The following FGF16 variants were observed in gnomAD, a reference collection of about 807,000 sequenced individuals.
FGF16 encodes fibroblast growth factor 16, also known as metacarpal 4-5 fusion.
FGF16 carries 2 observed loss-of-function variants against 8.5 expected under a neutral mutation model. The observed-to-expected ratio is 0.24, with a 90% confidence interval of 0.10 to 0.75. The LOEUF is 0.75. Among genes scored for constraint, FGF16 ranks in the 30% least tolerant of loss-of-function variants. FGF16 has a pLI of 0.74. For synonymous variants in FGF16, 33 were observed against 34.6 expected, an observed-to-expected ratio of 0.95 and a Z score of 0.16; for missense variants, 79 against 87.4, an observed-to-expected ratio of 0.90 and a Z score of 0.38.
At chrX:77,449,511 C>A (rs781942840) in intron 1 of FGF16, among the ~76,000 whole-genome samples, 1 of 110,710 alleles carries the variant, frequency 9.0e-6, no homozygotes, top group Non-Finnish European at 1.9e-5. Flanking sequence ...TAACTCATTG[C>A]CGATATGTAA....
intron 1 of FGF16, among the ~76,000 whole-genome samples, chrX:77,453,829 A>G (rs2062564266): frequency 8.9e-6 from 1 of 111,842 alleles, no homozygotes; most frequent in Non-Finnish European, 1.9e-5. Context: ...CGTTTCTTGA[A>G]TTTGAGAGCA....
rs920935562 is a variant in FGF16 at position 77,456,617 on chromosome X, A to G, written c.*95A>G. On this transcript the variant is annotated 3_prime_UTR_variant, in exon 3 of 3. Transcript: ENST00000439435. ...CATAGCTTTTCAATCCTTCCTTCCTATCATTTTAGATAACAGAAAAGCACT... is the reference window on the plus strand; with the variant it reads ...CATAGCTTTTCAATCCTTCCTTCCTGTCATTTTAGATAACAGAAAAGCACT... 8 of 839,101 alleles carry G rather than the reference A, an allele frequency of 9.5e-6. No homozygotes were observed. The highest frequency in any genetic ancestry group is 2.1e-5 in the African/African-American group (1 of 48,718). The allele number at this position is 839,101 out of a possible 1,213,427, so 69.2% of individuals were successfully genotyped here.
chrX:77,454,039 C>A, intron 1 of FGF16, 118 bp from the exon 2 acceptor site: 1 of 513,611 alleles, frequency 1.9e-6, no homozygotes, highest in Admixed American at 3.6e-5. Context: ...GGCATTTTAT[C>A]AAAGGCACAC....
At position 77,447,515 on chromosome X, in the gene FGF16, C is replaced by G. The variant is rs1445125318; in HGVS notation, c.-160C>G. 2 of 281,053 alleles carry G rather than the reference C, an allele frequency of 7.1e-6. No individual in the cohort carries two copies. The highest frequency in any genetic ancestry group is 2.8e-5 in the African/African-American group (1 of 35,955). The allele number at this position is 281,053 out of a possible 1,213,427, so 23.2% of individuals were successfully genotyped here. ...CACTGAGAAGTTCCTTGGACGCGAACAGACGTCGACTGCAGCTCGGCAGAG... is the reference window on the plus strand; with the variant it reads ...CACTGAGAAGTTCCTTGGACGCGAAGAGACGTCGACTGCAGCTCGGCAGAG... On this transcript the variant is annotated 5_prime_UTR_variant, in exon 1 of 3. Coordinates refer to ENST00000439435, the MANE Select transcript of FGF16 (RefSeq NM_003868.3).
rs41300245 is a variant in FGF16 at position 77,456,823 on chromosome X, G to T, written c.*301G>T. ...TGGGAGCCCCTGCTAAGGGCCAGGG[G>T]TGTCTTACCCCACAATTTACTCAAA... On this transcript the variant is annotated 3_prime_UTR_variant, in exon 3 of 3. Coordinates refer to ENST00000439435, the MANE Select transcript of FGF16 (RefSeq NM_003868.3). 0.023 allele frequency: 4,485 copies of T among 194,007 alleles called. 57 individuals are homozygous for T. Among genetic ancestry groups the T allele is most frequent in the Non-Finnish European group, 0.034 (3,586 of 106,532 alleles). The allele number at this position is 194,007 out of a possible 1,213,427, so 16.0% of individuals were successfully genotyped here.
intron 2 of FGF16, among the ~76,000 whole-genome samples, chrX:77,455,090 C>CA (rs1186831072): frequency 2.7e-5 from 3 of 112,041 alleles, no homozygotes; most frequent in African/African-American, 9.7e-5. Flanking sequence ...TGAGCCACTG[C>CA]ACCCGGCCCC....
At chrX:77,454,427 G>A (rs2062567068) in intron 2 of FGF16, among the ~76,000 whole-genome samples, 167 bp downstream of exon 2, 1 of 106,669 alleles carries the variant, frequency 9.4e-6, no homozygotes, top group Non-Finnish European at 1.9e-5. Flanking sequence ...GAGGTGGGCG[G>A]ATCACAAGGT....
At chrX:77,453,470 T>C (rs2062563072) in intron 1 of FGF16, among the ~76,000 whole-genome samples, 1 of 112,400 alleles carries the variant, frequency 8.9e-6, no homozygotes, top group Admixed American at 9.4e-5. Flanking sequence ...CAATACCACC[T>C]GCCAACTCTT....
intron 1 of FGF16, among the ~76,000 whole-genome samples, chrX:77,450,143 C>A (rs2062552653): frequency 8.9e-6 from 1 of 112,383 alleles, no homozygotes; most frequent in Non-Finnish European, 1.9e-5. Context: ...TCCATAAGTG[C>A]TTTAGCAGTC....
chrX:77,453,092 C>T (rs1387037820), intron 1 of FGF16, among the ~76,000 whole-genome samples: 2 of 110,875 alleles, frequency 1.8e-5, no homozygotes, highest in Non-Finnish European at 3.8e-5. Context: ...AACAAACAAA[C>T]AAAAAAACAG....
chrX:77,454,683 G>T (rs1256819649), intron 2 of FGF16, among the ~76,000 whole-genome samples: 1 of 104,418 alleles, frequency 9.6e-6, no homozygotes, highest in Non-Finnish European at 1.9e-5. Flanking sequence ...TCTAGCACTT[G>T]AAAGCCCTTT....
intron 2 of FGF16, among the ~76,000 whole-genome samples, chrX:77,456,020 A>G (rs1448081269): frequency 8.9e-6 from 1 of 112,249 alleles, no homozygotes; most frequent in Non-Finnish European, 1.9e-5. Flanking sequence ...AGGTGATGCC[A>G]TCTCCTCCAA....
chrX:77,455,671 C>T (rs1602278421), intron 2 of FGF16, among the ~76,000 whole-genome samples: 2 of 111,497 alleles, frequency 1.8e-5, no homozygotes, highest in Admixed American at 1.9e-4. Context: ...TCAGTATTGG[C>T]AACTCCAGCA....
chrX:77,454,322 C>A (rs1235752512), intron 2 of FGF16, 62 bp downstream of exon 2: 1 of 586,822 alleles, frequency 1.7e-6, no homozygotes, highest in African/African-American at 3.1e-5. Context: ...TTATTACAAC[C>A]AGTGTTTGGA....
chrX:77,454,178 T>C lies in FGF16; in HGVS notation c.296T>C (p.Leu99Pro). ...CTAGGAATCCTGGAGTTTATCAGCC[T>C]GGCTGTGGGGCTGATCAGCATCCGG... ...SRFGILEFISLAVGLISIRGV... is the reference protein window; with the variant it reads ...SRFGILEFISPAVGLISIRGV... Residue 99 changes from leucine (L) to proline (P), a missense_variant, in exon 2 of 3, where the codon CTG becomes CCG. Leu to Pro is a moderately conservative substitution (Grantham distance 98). Coordinates refer to ENST00000439435, the MANE Select transcript of FGF16 (RefSeq NM_003868.3). 8.5e-7 allele frequency: 1 copy of C among 1,175,644 alleles called. No homozygotes were observed. Among genetic ancestry groups the C allele is most frequent in the Non-Finnish European group, 1.1e-6 (1 of 872,071 alleles).
intron 1 of FGF16, among the ~76,000 whole-genome samples, chrX:77,449,230 T>A (rs997213898): frequency 7.2e-5 from 8 of 111,390 alleles, no homozygotes; most frequent in Non-Finnish European, 3.8e-5. Flanking sequence ...GAAACCCTAA[T>A]GAGGTCTATG....
chrX:77,449,801 G>A (rs1489939247), intron 1 of FGF16, among the ~76,000 whole-genome samples: 3 of 111,101 alleles, frequency 2.7e-5, no homozygotes, highest in Admixed American at 1.9e-4. Context: ...ATTGGCAGGA[G>A]GAAGGGACAT....
chrX:77,456,178 A>C, intron 2 of FGF16, 99 bp from the exon 3 acceptor site: 1 of 807,124 alleles, frequency 1.2e-6, no homozygotes, highest in Middle Eastern at 3.0e-4. Flanking sequence ...ATTTTCTAAC[A>C]TCAATGTGCT....
intron 1 of FGF16, among the ~76,000 whole-genome samples, chrX:77,449,178 C>A (rs1557026486): frequency 1.8e-5 from 2 of 111,769 alleles, no homozygotes; most frequent in East Asian, 5.6e-4. Context: ...GCCTAGCAAA[C>A]AACTTAGGGG....
Sources: allele counts gnomAD v4.1 joint callset (sites outside exome capture counted in the v4.1 genomes callset), GRCh38; gene constraint gnomAD v4.1.1; transcripts MANE v1.5; gene names NCBI Gene and HGNC (gene_info 2026-07-23, HGNC 2026-07-21).